Variants in RBFOX1 observed in about 807,000 individuals in gnomAD.
RBFOX1 encodes the protein RNA binding protein fox-1 homolog 1.
Under a neutral mutation model 57.7 loss-of-function variants are expected in RBFOX1, and 8 were observed. The observed-to-expected ratio is 0.14, with a 90% CI of 0.08 to 0.25. RBFOX1 has a LOEUF of 0.25. Among genes scored for constraint, RBFOX1 ranks in the 10% least tolerant of loss-of-function variants. RBFOX1 has a pLI of 1.00. For missense variants in RBFOX1, 611 were observed against 548.5 expected (o/e 1.11, Z -1.14); for synonymous variants, 326 against 222.4 (o/e 1.47, Z -4.15).
At chr16:7,202,632 C>G (rs1167894948) in intron 4 of RBFOX1, among the ~76,000 whole-genome samples, 1 of 152,144 alleles carries the variant, frequency 6.6e-6, no homozygotes, top group Non-Finnish European at 1.5e-5. Context: ...TGCATCAGCA[C>G]CTGAGCTCGA....
At chr16:7,043,756 A>G (rs140580040) in intron 3 of RBFOX1, among the ~76,000 whole-genome samples, 15 of 152,262 alleles carry the variant, frequency 9.9e-5, no homozygotes, top group East Asian at 3.9e-4. Context: ...TTGGACTCCT[A>G]CTTTCCCCAG....
At chr16:6,878,235 C>T (rs116132010) in intron 3 of RBFOX1, among the ~76,000 whole-genome samples, 6 of 152,122 alleles carry the variant, frequency 3.9e-5, no homozygotes, top group African/African-American at 7.2e-5. Context: ...CCGTTTCTTC[C>T]CTGCTGAGCA....
intron 3 of RBFOX1, among the ~76,000 whole-genome samples, chr16:5,782,640 C>A (rs1445421163): frequency 1.3e-5 from 2 of 152,122 alleles, no homozygotes; most frequent in East Asian, 3.9e-4. Context: ...ATGGGAGATA[C>A]TGAATGTGTG....
intron 3 of RBFOX1, among the ~76,000 whole-genome samples, chr16:5,725,159 G>C (rs1596980531): frequency 6.6e-6 from 1 of 152,192 alleles, no homozygotes; most frequent in South Asian, 2.1e-4. Context: ...TTGCAGAGGA[G>C]GCTAGGCTGT....
In RBFOX1 at chr16:7,417,390, AG is replaced by A. The variant is rs1190138004; in HGVS notation, c.28-100756del. Among the ~76,000 whole-genome samples, 932 of 150,696 alleles carry A rather than the reference AG, an allele frequency of 6.2e-3. 18 individuals are homozygous for A. The highest frequency in any genetic ancestry group is 0.021 in the African/African-American group (862 of 40,968). ...TCTGTGTCAAAGAAAAAAAAAAAAA[AG>A]AGATGACCCCATATCCTGTTCCCCC... On this transcript the variant is annotated intron_variant, in intron 4 of 15. Coordinates refer to ENST00000550418, the MANE Select transcript of RBFOX1 (RefSeq NM_018723.4).
At chr16:5,423,104 GGA>G (rs903985321) in intron 1 of RBFOX1, among the ~76,000 whole-genome samples, 3 of 146,950 alleles carry the variant, frequency 2.0e-5, no homozygotes, top group Admixed American at 6.7e-5. Context: ...GAAGGAGGAG[GGA>G]GAGGGAGGAA....
chr16:6,446,284 T>G (rs1396247809), intron 2 of RBFOX1, among the ~76,000 whole-genome samples: 1 of 152,176 alleles, frequency 6.6e-6, no homozygotes, highest in Non-Finnish European at 1.5e-5. Context: ...ATGACAGGCG[T>G]GAGCCACCAC....
intron 1 of RBFOX1, among the ~76,000 whole-genome samples, chr16:6,128,147 TAA>T (rs1466251476): frequency 3.9e-5 from 6 of 152,200 alleles, no homozygotes. Context: ...AAAATAAATG[TAA>T]AATATCTTGA....
At chr16:6,913,732 G>C (rs2072339289) in intron 3 of RBFOX1, among the ~76,000 whole-genome samples, 1 of 152,140 alleles carries the variant, frequency 6.6e-6, no homozygotes, top group Non-Finnish European at 1.5e-5. Flanking sequence ...TACCCTCCTA[G>C]CCAAGCGTCT....
intron 5 of RBFOX1, among the ~76,000 whole-genome samples, chr16:7,549,226 A>T (rs971074772): frequency 1.3e-5 from 2 of 152,246 alleles, no homozygotes; most frequent in Non-Finnish European, 2.9e-5. Flanking sequence ...CCCAATGCCT[A>T]TGACTTCACT....
At chr16:6,807,065 C>G (rs1012448940) in intron 3 of RBFOX1, among the ~76,000 whole-genome samples, 13 of 151,628 alleles carry the variant, frequency 8.6e-5, no homozygotes, top group African/African-American at 3.2e-4. Flanking sequence ...AACTCCTGAC[C>G]TCAAGTAGTA....
At chr16:5,908,119 TAC>T (rs1189265230) in intron 4 of RBFOX1, among the ~76,000 whole-genome samples, 1 of 137,620 alleles carries the variant, frequency 7.3e-6, no homozygotes. Context: ...TACACATATA[TAC>T]ACATATATAT....
At chr16:6,333,153 ACTCAGC>A (rs1474619062) in intron 2 of RBFOX1, among the ~76,000 whole-genome samples, 3 of 151,846 alleles carry the variant, frequency 2.0e-5, no homozygotes, top group Non-Finnish European at 4.4e-5. Flanking sequence ...AATTCTCCTG[ACTCAGC>A]CTCCCGAGTA....
chr16:5,742,163 G>T (rs543272481), intron 3 of RBFOX1, among the ~76,000 whole-genome samples: 51 of 152,206 alleles, frequency 3.4e-4, no homozygotes, highest in African/African-American at 1.2e-3. Context: ...TTCAAGATGG[G>T]AAATTTGGGC....
intron 4 of RBFOX1, among the ~76,000 whole-genome samples, chr16:7,156,105 T>C (rs1601306284): frequency 6.6e-6 from 1 of 152,014 alleles, no homozygotes; most frequent in Admixed American, 6.6e-5. Context: ...CTCCTGGGCT[T>C]AAGCAATCTG....
rs148242682 is a variant in RBFOX1, at chr16:5,333,684, A to T, written c.219+93579A>T. Among the ~76,000 whole-genome samples the T allele has an allele frequency of 8.3e-3, 1,268 of 152,366 alleles. 9 individuals are homozygous for T. The highest frequency in any genetic ancestry group is 0.013 in the Non-Finnish European group (912 of 68,036). ...TGGTTGATTTTGTCAATGTAAGAACATCACAGGGTGCACTTATACAAACCT... is the reference window on the plus strand; with the variant it reads ...TGGTTGATTTTGTCAATGTAAGAACTTCACAGGGTGCACTTATACAAACCT... On this transcript the variant is annotated intron_variant, in intron 1 of 2. Transcript: ENST00000585867.
At chr16:5,681,440 G>A (rs1029643461) in intron 3 of RBFOX1, among the ~76,000 whole-genome samples, 1 of 148,198 alleles carries the variant, frequency 6.7e-6, no homozygotes, top group African/African-American at 2.5e-5. Context: ...CCAGCCTGGA[G>A]TGCAATGGTG....
chr16:7,669,038 G>T (rs1317206475), intron 13 of RBFOX1, among the ~76,000 whole-genome samples: 1 of 152,154 alleles, frequency 6.6e-6, no homozygotes, highest in Non-Finnish European at 1.5e-5. Flanking sequence ...CTGAGTAACT[G>T]GGATTACAGG....
chr16:6,490,032 G>C (rs1164407476), intron 2 of RBFOX1, among the ~76,000 whole-genome samples: 1 of 152,196 alleles, frequency 6.6e-6, no homozygotes, highest in African/African-American at 2.4e-5. Context: ...GTCCATGCCA[G>C]GTGGGTGATG....
Sources: allele counts gnomAD v4.1 joint callset (sites outside exome capture counted in the v4.1 genomes callset), GRCh38; gene constraint gnomAD v4.1.1; transcripts MANE v1.5; gene names NCBI Gene and HGNC (gene_info 2026-07-23, HGNC 2026-07-21).